IL4R: variants seen among roughly 807,000 people sequenced by gnomAD.
The protein encoded by IL4R is interleukin-4 receptor subunit alpha.
IL4R carries 17 observed loss-of-function variants against 41.5 expected under a neutral mutation model. The observed-to-expected ratio is 0.41, with a 90% confidence interval of 0.28 to 0.61. IL4R has a LOEUF of 0.61. IL4R is among the 20% of genes least tolerant of loss of function. IL4R has a pLI of 0.31. For missense variants in IL4R, 974 were observed against 1,043.1 expected (o/e 0.93, Z 0.91); for synonymous variants, 402 against 422.9 (o/e 0.95, Z 0.61).
At position 27,342,195 on chromosome 16, in the gene IL4R, A is replaced by G. The variant is rs1390829715; in HGVS notation, c.145A>G (p.Asn49Asp). Residue 49 changes from asparagine (N) to aspartate (D), a missense_variant, in exon 4 of 11, where the codon AAT becomes GAT. Asn to Asp is a conservative substitution (Grantham distance 23). Coordinates refer to ENST00000395762, the MANE Select transcript of IL4R (RefSeq NM_000418.4). ...CATCTCTACTTGCGAGTGGAAGATGAATGGTCCCACCAATTGCAGCACCGA... is the reference window on the plus strand; with the variant it reads ...CATCTCTACTTGCGAGTGGAAGATGGATGGTCCCACCAATTGCAGCACCGA... ...MSISTCEWKM[N>D]GPTNCSTELR... 1.2e-6 allele frequency: 2 copies of G among 1,614,210 alleles called. No individual in the cohort carries two copies. Among genetic ancestry groups the G allele is most frequent in the South Asian group, 2.2e-5 (2 of 91,074 alleles).
Position 27,339,601 on chromosome 16 carries a change from CAT to C in IL4R, c.-18-584_-18-583del, listed in dbSNP as rs555755897. 2.6e-3 allele frequency among the ~76,000 whole-genome samples: 403 copies of C among 152,206 alleles called. 1 individual carries two copies. Among genetic ancestry groups the C allele is most frequent in the Non-Finnish European group, 4.2e-3 (286 of 67,980 alleles). On this transcript the variant is annotated intron_variant, in intron 2 of 10. Coordinates refer to ENST00000395762, the MANE Select transcript of IL4R (RefSeq NM_000418.4). ...AAACCTCAGGAAATAATCAGAGAAACATGTGTAGAGGGTTGTCCAAGGAAGGC... is the reference window on the plus strand; with the variant it reads ...AAACCTCAGGAAATAATCAGAGAAACGTGTAGAGGGTTGTCCAAGGAAGGC...
At chr16:27,342,574 G>A (rs536165411) in intron 4 of IL4R, among the ~76,000 whole-genome samples, 1 of 152,276 alleles carries the variant, frequency 6.6e-6, no homozygotes, top group African/African-American at 2.4e-5. Context: ...AAGGGCTTTG[G>A]TGTAGGTAAC....
chr16:27,349,991 TC>T (rs924297593), intron 6 of IL4R, among the ~76,000 whole-genome samples: 38 of 152,222 alleles, frequency 2.5e-4, no homozygotes, highest in Middle Eastern at 6.8e-3. Flanking sequence ...CTTCAAGTGA[TC>T]CCCCTGGCTC....
chr16:27,353,382 T>C (rs2085946769), intron 7 of IL4R, among the ~76,000 whole-genome samples: 1 of 152,232 alleles, frequency 6.6e-6, no homozygotes. Context: ...AGGAAACTAA[T>C]TGTATTGAAA....
chr16:27,343,005 C>G (rs79698739), intron 4 of IL4R, among the ~76,000 whole-genome samples: 1 of 152,168 alleles, frequency 6.6e-6, no homozygotes, highest in African/African-American at 2.4e-5. Context: ...CTGGACTAGA[C>G]CCTTGATTGA....
intron 1 of IL4R, among the ~76,000 whole-genome samples, chr16:27,329,095 G>A (rs1387382787): frequency 6.6e-6 from 1 of 152,070 alleles, no homozygotes; most frequent in African/African-American, 2.4e-5. Flanking sequence ...CATAGTGAGT[G>A]AGTTCTCACA....
chr16:27,353,440 GCTT>G (rs1389861478), intron 7 of IL4R, among the ~76,000 whole-genome samples: 3 of 152,168 alleles, frequency 2.0e-5, no homozygotes, highest in South Asian at 2.1e-4. Flanking sequence ...AGATATATGT[GCTT>G]CTTTATTAAG....
intron 1 of IL4R, among the ~76,000 whole-genome samples, chr16:27,321,720 C>G (rs897532311): frequency 6.6e-6 from 1 of 152,176 alleles, no homozygotes; most frequent in African/African-American, 2.4e-5. Context: ...ATCATTTTTT[C>G]TTTGAGTACT....
intron 9 of IL4R, among the ~76,000 whole-genome samples, chr16:27,360,323 G>C (rs2086237952): frequency 6.6e-6 from 1 of 152,224 alleles, no homozygotes; most frequent in Admixed American, 6.5e-5. Context: ...CTAGTTGGCT[G>C]ACTTTTACCT....
chr16:27,357,609 G>A (rs866765077), intron 8 of IL4R, among the ~76,000 whole-genome samples: 3 of 151,968 alleles, frequency 2.0e-5, no homozygotes, highest in African/African-American at 4.8e-5. Flanking sequence ...GATTACAGGC[G>A]TGTGCCACGA....
At chr16:27,333,370 C>A (rs1174297155) in intron 2 of IL4R, among the ~76,000 whole-genome samples, 2 of 151,904 alleles carry the variant, frequency 1.3e-5, no homozygotes, top group African/African-American at 4.8e-5. Context: ...CATTTTATTT[C>A]ATCTTATTGG....
intron 2 of IL4R, among the ~76,000 whole-genome samples, chr16:27,336,951 C>T (rs2085278760): frequency 6.6e-6 from 1 of 151,670 alleles, no homozygotes; most frequent in African/African-American, 2.4e-5. Context: ...GTGGCCCATG[C>T]CTGTAATCCC....
chr16:27,351,172 T>G (rs2085857753), intron 6 of IL4R, among the ~76,000 whole-genome samples: 1 of 152,178 alleles, frequency 6.6e-6, no homozygotes, highest in East Asian at 1.9e-4. Context: ...TTGGTGACAT[T>G]CAGTCCCTGG....
chr16:27,345,917 A>C lies in IL4R; in HGVS notation c.362-550A>C, dbSNP rs1271488165. ...AACCCAGGAGAAGGAGGTTGCAGTG[A>C]GCTTAGATCATGCTACTGCCCTCCA... On this transcript the variant is annotated intron_variant, in intron 5 of 10. Transcript: ENST00000395762. This position sits in a 1 kb window ranked among gnomAD's most constrained non-coding sequence, Gnocchi z 4.5. Among the ~76,000 whole-genome samples the C allele has an allele frequency of 6.6e-6, 1 of 152,240 alleles. No homozygotes were observed. The highest frequency in any genetic ancestry group is 1.5e-5 in the Non-Finnish European group (1 of 68,050).
chr16:27,336,868 C>T (rs1235236767), intron 2 of IL4R, among the ~76,000 whole-genome samples: 1 of 151,694 alleles, frequency 6.6e-6, no homozygotes, highest in Non-Finnish European at 1.5e-5. Flanking sequence ...CACCTGGGGT[C>T]GGGAGTTCAA....
upstream of IL4R, chr16:27,313,963 A>G: frequency 1.0e-6 from 1 of 984,548 alleles, no homozygotes; most frequent in Non-Finnish European, 1.2e-6. Flanking sequence ...AGGGCCACCC[A>G]GGGGTCCCCC....
intron 10 of IL4R, among the ~76,000 whole-genome samples, chr16:27,361,788 T>C (rs1341539939): frequency 6.6e-6 from 1 of 152,000 alleles, no homozygotes; most frequent in African/African-American, 2.4e-5. Context: ...TTTTTTTTAA[T>C]TCTTGTAGAG....
chr16:27,345,951 G>A lies in IL4R; in HGVS notation c.362-516G>A, dbSNP rs145425188. Among the ~76,000 whole-genome samples, 176 of 151,382 alleles carry A rather than the reference G, an allele frequency of 1.2e-3. No homozygotes were observed. The highest frequency in any genetic ancestry group is 4.1e-3 in the African/African-American group (168 of 41,240). On this transcript the variant is annotated intron_variant, in intron 5 of 10. Coordinates refer to ENST00000395762, the MANE Select transcript of IL4R (RefSeq NM_000418.4). This position sits in a 1 kb window ranked among gnomAD's most constrained non-coding sequence, Gnocchi z 4.5. ...CATGCTACTGCCCTCCAGCCTGGGC[G>A]ACAGAGTGAGATTACGTCTCAAAAA...
Position 27,342,221 on chromosome 16 carries a change from G to A in IL4R, c.171G>A (p.Glu57=). 1 of 1,614,246 alleles carries A rather than the reference G, an allele frequency of 6.2e-7. No individual in the cohort carries two copies. The highest frequency in any genetic ancestry group is 1.7e-5 in the Admixed American group (1 of 60,028). Residue 57 remains glutamate, a synonymous_variant, in exon 4 of 11, where the codon GAG becomes GAA. Transcript: ENST00000395762. ...KMNGPTNCST[E]LRLLYQLVFL... Reference sequence around the variant, plus strand: ...ATGGTCCCACCAATTGCAGCACCGAGCTCCGCCTGTTGTACCAGCTGGTTT... The same window carrying A: ...ATGGTCCCACCAATTGCAGCACCGAACTCCGCCTGTTGTACCAGCTGGTTT...
Sources: allele counts gnomAD v4.1 joint callset (sites outside exome capture counted in the v4.1 genomes callset), GRCh38; gene constraint gnomAD v4.1.1; non-coding constraint Gnocchi (gnomAD v3.1); transcripts MANE v1.5; gene names NCBI Gene and HGNC (gene_info 2026-07-23, HGNC 2026-07-21).